Variants in MYO1E observed in about 807,000 individuals in gnomAD.
MYO1E encodes the protein unconventional myosin-Ie.
In MYO1E, 68 loss-of-function variants were observed where a neutral mutation model predicts 151.1. The observed-to-expected ratio is 0.45, with a 90% confidence interval of 0.37 to 0.55. MYO1E has a LOEUF of 0.55. Ranked by LOEUF, MYO1E falls within the 20% of genes least tolerant of loss-of-function variation. The probability of loss-of-function intolerance (pLI) is 0.00; values close to 1 mark genes in which losing one functional copy is unlikely to be tolerated. For synonymous variants in MYO1E, 601 were observed against 501.7 expected, an observed-to-expected ratio of 1.20 and a Z score of -2.64; for missense variants, 1,363 against 1,389.3, an observed-to-expected ratio of 0.98 and a Z score of 0.30.
intron 8 of MYO1E, among the ~76,000 whole-genome samples, 189 bp downstream of exon 8, chr15:59,224,500 T>C (rs1046385966): frequency 5.6e-4 from 86 of 152,216 alleles, no homozygotes; most frequent in African/African-American, 2.0e-3. Flanking sequence ...AATCATTAAG[T>C]GGTCCTCAGG....
At position 59,166,802 on chromosome 15, in the gene MYO1E, G is replaced by A. The variant is rs3794495; in HGVS notation, c.2481-3499C>T. On this transcript the variant is annotated intron_variant, in intron 22 of 27. Transcript: ENST00000288235. ...CGCAGATGCAGGCCTCAGCAGTGAC[G>A]TGTCCAGCTCAAAGAAGCTTCACCT... Among the ~76,000 whole-genome samples the A allele has an allele frequency of 1.7e-3, 257 of 152,270 alleles. 1 individual carries two copies. The highest frequency in any genetic ancestry group is 5.4e-3 in the African/African-American group (226 of 41,562).
intron 25 of MYO1E, among the ~76,000 whole-genome samples, chr15:59,155,012 T>TCCG (rs1238806697): frequency 5.9e-5 from 9 of 152,200 alleles, no homozygotes; most frequent in Admixed American, 5.2e-4. Flanking sequence ...CTTACCTCAT[T>TCCG]CCCTCAGTGA....
Position 59,135,320 on chromosome 15 carries a change from A to C in MYO1E, c.*2060T>G, listed in dbSNP as rs1161032153. 1 of 152,248 alleles carries C rather than the reference A, an allele frequency of 6.6e-6. No individual in the cohort carries two copies. 9.4% of individuals were successfully genotyped at this position (152,248 alleles called of 1,614,324 possible). A position where few individuals can be genotyped will look rare whatever the true frequency, so the allele number is the denominator to read the frequency against. Reference sequence around the variant, plus strand: ...GCCAATCAATCAATCAGGAGGAAAAACAAAGGCTTGTCCCAGCCAGCCAGG... The same window carrying C: ...GCCAATCAATCAATCAGGAGGAAAACCAAAGGCTTGTCCCAGCCAGCCAGG... On this transcript the variant is annotated 3_prime_UTR_variant, in exon 28 of 28. Transcript: ENST00000288235.
intron 1 of MYO1E, among the ~76,000 whole-genome samples, chr15:59,332,489 G>A (rs986008089): frequency 6.6e-6 from 1 of 152,080 alleles, no homozygotes; most frequent in Non-Finnish European, 1.5e-5. Context: ...GGGAGGCCAC[G>A]TCCATTCTCA....
At chr15:59,324,643 C>T (rs1256707682) in intron 1 of MYO1E, among the ~76,000 whole-genome samples, 1 of 102,962 alleles carries the variant, frequency 9.7e-6, no homozygotes, top group Non-Finnish European at 2.0e-5. Flanking sequence ...TGTGTCTCGC[C>T]GTATTTATCC....
At chr15:59,139,299 C>T (rs1443870873) in intron 26 of MYO1E, among the ~76,000 whole-genome samples, 4 of 127,434 alleles carry the variant, frequency 3.1e-5, no homozygotes, top group Admixed American at 9.0e-5. Context: ...GCTTCCCTCC[C>T]ACCCCCCTCA....
rs758116528 is a variant in MYO1E, at chr15:59,173,856, T to C, written c.2224A>G (p.Ile742Val). 12 of 1,613,974 alleles carry C rather than the reference T, an allele frequency of 7.4e-6. No individual in the cohort carries two copies. The South Asian group carries it at 1.2e-4, about 16-fold the overall frequency. The change falls in exon 21 of 28, where the codon ATA becomes GTA. Residue 742 changes from isoleucine to valine, a missense_variant. By Grantham distance (29) the Ile-to-Val change is conservative (BLOSUM62 3). Transcript: ENST00000288235. Reference protein sequence around the residue: ...RRRNSINRNFIGDYIGMEEHP... With the variant: ...RRRNSINRNFVGDYIGMEEHP... ...TCTTCCATCCCAATATAATCCCCTA[T>C]AAAGTTCCTGTTAATACTGTTTCTC...
intron 22 of MYO1E, among the ~76,000 whole-genome samples, chr15:59,167,617 ACT>A (rs1394527717): frequency 9.2e-5 from 14 of 152,122 alleles, no homozygotes; most frequent in Non-Finnish European, 1.8e-4. Context: ...ACCTCCTGAC[ACT>A]CTTCCCGAGT....
intron 26 of MYO1E, among the ~76,000 whole-genome samples, chr15:59,146,616 G>C (rs759499655): frequency 1.3e-5 from 2 of 151,854 alleles, no homozygotes; most frequent in Non-Finnish European, 2.9e-5. Context: ...TGCTTGGCTA[G>C]ATGATGGGGA....
intron 18 of MYO1E, among the ~76,000 whole-genome samples, chr15:59,183,346 AG>A (rs2140322686): frequency 1.8e-5 from 1 of 55,690 alleles, no homozygotes; most frequent in South Asian, 9.3e-4. Context: ...AGGTTTGATC[AG>A]GTTTTTTTTT....
chr15:59,343,184 A>G (rs2080775241), intron 1 of MYO1E, among the ~76,000 whole-genome samples: 1 of 152,100 alleles, frequency 6.6e-6, no homozygotes, highest in Non-Finnish European at 1.5e-5. Flanking sequence ...CATTTCTTGT[A>G]GGATAGGCCT....
intron 1 of MYO1E, among the ~76,000 whole-genome samples, chr15:59,310,669 T>C (rs1029003407): frequency 3.3e-5 from 5 of 152,088 alleles, no homozygotes; most frequent in Non-Finnish European, 7.4e-5. Context: ...ATTTCTGTTG[T>C]TTTAAGCCAC....
rs57389779 is a variant in MYO1E at position 59,271,454 on chromosome 15, G to T, written c.147+852C>A. ...TTATATAGATTTGACACAGAGTTTT[G>T]CATGTCCATGACTAACTCTCACAAT... On this transcript the variant is annotated intron_variant, in intron 2 of 27. Coordinates refer to ENST00000288235, the MANE Select transcript of MYO1E (RefSeq NM_004998.4). 5.0e-3 allele frequency among the ~76,000 whole-genome samples: 764 copies of T among 152,254 alleles called. 20 individuals are homozygous for T. The highest frequency in any genetic ancestry group is 0.02 in the East Asian group (106 of 5,184).
intron 1 of MYO1E, among the ~76,000 whole-genome samples, chr15:59,330,397 C>T (rs1596421558): frequency 6.6e-6 from 1 of 152,238 alleles, no homozygotes; most frequent in Admixed American, 6.5e-5. Flanking sequence ...GACATTAGGT[C>T]GGTGATGTTA....
At chr15:59,274,287 T>C (rs2080305529) in intron 1 of MYO1E, among the ~76,000 whole-genome samples, 2 of 152,142 alleles carry the variant, frequency 1.3e-5, no homozygotes, top group Non-Finnish European at 2.9e-5. Flanking sequence ...GCATCAATTC[T>C]ACAAAATTAC....
chr15:59,259,089 G>A (rs2080210881), intron 3 of MYO1E, among the ~76,000 whole-genome samples: 1 of 152,022 alleles, frequency 6.6e-6, no homozygotes, highest in African/African-American at 2.4e-5. Flanking sequence ...GAGCCACCAT[G>A]CCCAGTCCAA....
At chr15:59,260,732 A>G (rs936522575) in intron 3 of MYO1E, among the ~76,000 whole-genome samples, 2 of 152,276 alleles carry the variant, frequency 1.3e-5, no homozygotes, top group East Asian at 3.9e-4. Flanking sequence ...TAGTTTAACA[A>G]TGGTTCTGAT....
At chr15:59,206,977 A>T in intron 14 of MYO1E, 1 of 1,614,116 alleles carries the variant, frequency 6.2e-7, no homozygotes, top group South Asian at 1.1e-5. Context: ...GGCCAGCCAG[A>T]GAGTGAGCTC....
intron 25 of MYO1E, among the ~76,000 whole-genome samples, chr15:59,156,215 T>C (rs1001476008): frequency 2.6e-5 from 4 of 152,116 alleles, no homozygotes; most frequent in Admixed American, 1.3e-4. Flanking sequence ...GCCAGAGTGT[T>C]GCTCTGTCAC....
Sources: allele counts gnomAD v4.1 joint callset (sites outside exome capture counted in the v4.1 genomes callset), GRCh38; gene constraint gnomAD v4.1.1; transcripts MANE v1.5; gene names NCBI Gene and HGNC (gene_info 2026-07-23, HGNC 2026-07-21).